The following HYAL4 variants were observed in gnomAD, a reference collection of about 807,000 sequenced individuals.
The protein encoded by HYAL4 is hyaluronidase-4.
HYAL4 carries 37 observed loss-of-function variants against 35.2 expected under a neutral mutation model. The ratio of observed to expected loss-of-function variants is 1.05; its 90% confidence interval spans 0.81 to 1.38. The LOEUF (loss-of-function observed/expected upper bound fraction) is 1.38. Ranked by LOEUF, HYAL4 falls within the 40% of genes most tolerant of loss-of-function variation. HYAL4 has a pLI of 0.00. For missense variants in HYAL4, 572 were observed against 572.4 expected (o/e 1.00, Z 0.01); for synonymous variants, 198 against 203.2 (o/e 0.97, Z 0.22).
At chr7:123,785,212 A>T in the HYAL4 span, among the ~76,000 whole-genome samples, 1 of 151,974 alleles carries the variant, frequency 6.6e-6, no homozygotes, top group African/African-American at 2.4e-5. The surrounding 1 kb of genome is among the most constrained non-coding windows in gnomAD (Gnocchi z 4.5). Context: ...CAGCCTCCCA[A>T]GTAGCTGGGA....
chr7:123,837,630 C>T (rs1223406150), intron 1 of HYAL4, among the ~76,000 whole-genome samples: 2 of 151,616 alleles, frequency 1.3e-5, no homozygotes, highest in Non-Finnish European at 2.9e-5. Flanking sequence ...CACCCATTAA[C>T]TCGTCATTTA....
chr7:123,877,037 G>A lies in HYAL4; in HGVS notation c.1328G>A (p.Gly443Glu), dbSNP rs1288528917. ...TGTCATTGTTATCAGGGATATGAAG[G>A]AGCTGATTGCAGAGAAATAAAGACG... ...FSCHCYQGYE[G>E]ADCREIKTAD... The change falls in exon 5 of 5, where the codon GGA becomes GAA. Residue 443 changes from glycine to glutamate, a missense_variant. Coordinates refer to ENST00000223026, the MANE Select transcript of HYAL4 (RefSeq NM_012269.3). 1 of 1,614,174 alleles carries A rather than the reference G, an allele frequency of 6.2e-7. No homozygotes were observed. Among genetic ancestry groups the A allele is most frequent in the Non-Finnish European group, 8.5e-7 (1 of 1,180,016 alleles).
intron 1 of HYAL4, among the ~76,000 whole-genome samples, chr7:123,838,205 G>C (rs1261961877): frequency 6.9e-6 from 1 of 144,550 alleles, no homozygotes; most frequent in Non-Finnish European, 1.5e-5. Flanking sequence ...TGTAGTCTCT[G>C]TTGTTTACCT....
At chr7:123,798,176 C>T in the HYAL4 span, among the ~76,000 whole-genome samples, 6 of 152,184 alleles carry the variant, frequency 3.9e-5, no homozygotes, top group East Asian at 3.8e-4. Flanking sequence ...CACCTGTCAG[C>T]GGTAGTTACA....
chr7:123,774,721 A>G, the HYAL4 span, among the ~76,000 whole-genome samples: 1 of 152,076 alleles, frequency 6.6e-6, no homozygotes, highest in Non-Finnish European at 1.5e-5. Context: ...GCTCACATAG[A>G]TCTCACCTGC....
At chr7:123,804,317 C>A in the HYAL4 span, among the ~76,000 whole-genome samples, 2,311 of 152,206 alleles carry the variant, frequency 0.015, 70 homozygotes, top group African/African-American at 0.053. Context: ...TGCTCTGAGA[C>A]CCCTCATATG....
At chr7:123,804,010 A>G in the HYAL4 span, among the ~76,000 whole-genome samples, 1 of 152,216 alleles carries the variant, frequency 6.6e-6, no homozygotes, top group Non-Finnish European at 1.5e-5. Context: ...TTTACTCCAC[A>G]TAATATGTAG....
At chr7:123,797,609 C>T in the HYAL4 span, among the ~76,000 whole-genome samples, 1 of 152,176 alleles carries the variant, frequency 6.6e-6, no homozygotes, top group Non-Finnish European at 1.5e-5. Context: ...CCCTGTTGGC[C>T]TCTGCTGATA....
chr7:123,812,095 C>T, the HYAL4 span, among the ~76,000 whole-genome samples: 2 of 152,160 alleles, frequency 1.3e-5, no homozygotes, highest in Non-Finnish European at 2.9e-5. Flanking sequence ...CTGCCTCGGC[C>T]TCCCAAAGTG....
chr7:123,818,486 G>A, the HYAL4 span, among the ~76,000 whole-genome samples: 1 of 152,256 alleles, frequency 6.6e-6, no homozygotes, highest in Admixed American at 6.5e-5. Context: ...ACTCTTCCAT[G>A]AAGTATTAAG....
intron 1 of HYAL4, among the ~76,000 whole-genome samples, chr7:123,836,553 A>T (rs1295444666): frequency 6.6e-6 from 1 of 152,144 alleles, no homozygotes; most frequent in Non-Finnish European, 1.5e-5. Flanking sequence ...ATATCTTTTA[A>T]GTGGAGCATT....
At chr7:123,875,946 G>A (rs930815139) in intron 4 of HYAL4, 44 of 448,136 alleles carry the variant, frequency 9.8e-5, no homozygotes, top group South Asian at 4.8e-4. Flanking sequence ...TACTGAGATA[G>A]TGTTCATGAA....
At chr7:123,788,132 A>G in the HYAL4 span, among the ~76,000 whole-genome samples, 9 of 152,212 alleles carry the variant, frequency 5.9e-5, no homozygotes, top group Non-Finnish European at 1.2e-4. Flanking sequence ...AGCCTGGGCA[A>G]CACAGTGAGA....
At chr7:123,787,128 G>GAAAAAGAA in the HYAL4 span, among the ~76,000 whole-genome samples, 1 of 128,912 alleles carries the variant, frequency 7.8e-6, no homozygotes, top group Non-Finnish European at 1.6e-5. Context: ...AAAAAAAAAA[G>GAAAAAGAA]AAAAAGAAAA....
chr7:123,859,978 A>G (rs1267427918), intron 2 of HYAL4, among the ~76,000 whole-genome samples: 2 of 152,108 alleles, frequency 1.3e-5, no homozygotes, highest in African/African-American at 2.4e-5. Context: ...TCTCATCTCA[A>G]ATTATCATCC....
In HYAL4 at chr7:123,869,183, A is replaced by C. The variant is rs752283462; in HGVS notation, c.910A>C (p.Thr304Pro). Residue 304 changes from threonine to proline, a missense_variant, in exon 3 of 5, where the codon ACA (threonine) becomes CCA (proline). Thr to Pro is a conservative substitution (Grantham distance 38, BLOSUM62 -1). Coordinates refer to ENST00000223026, the MANE Select transcript of HYAL4 (RefSeq NM_012269.3). ...HDYALPVFVY[T>P]RLGYRDEPLF... is the part of the protein sequence containing the mutation. Reference sequence around the variant, plus strand: ...TTATGCTCTGCCTGTATTTGTCTACACAAGGCTAGGGTACAGAGATGAACC... The same window carrying C: ...TTATGCTCTGCCTGTATTTGTCTACCCAAGGCTAGGGTACAGAGATGAACC... 7 of 1,613,990 alleles carry C rather than the reference A, an allele frequency of 4.3e-6. No individual in the cohort carries two copies. The highest frequency in any genetic ancestry group is 8.5e-7 in the Non-Finnish European group (1 of 1,179,982).
intron 2 of HYAL4, among the ~76,000 whole-genome samples, chr7:123,863,472 A>G (rs1749652114): frequency 6.6e-6 from 1 of 152,168 alleles, no homozygotes; most frequent in Non-Finnish European, 1.5e-5. Flanking sequence ...AGAGGGTATT[A>G]GGAGGAAACT....
At chr7:123,844,757 C>A (rs116094745), upstream of HYAL4, among the ~76,000 whole-genome samples, 1 of 152,156 alleles carries the variant, frequency 6.6e-6, no homozygotes, top group African/African-American at 2.4e-5. Flanking sequence ...CCTCCCTCAG[C>A]CAGGCTGCTG....
the HYAL4 span, among the ~76,000 whole-genome samples, chr7:123,803,271 A>T: frequency 5.9e-5 from 9 of 152,324 alleles, no homozygotes; most frequent in South Asian, 6.2e-4. Flanking sequence ...TAAATTTTTT[A>T]AAAATTTTAA....
Sources: gnomAD v4.1 joint callset for allele counts (sites outside exome capture counted in the v4.1 genomes callset) on GRCh38, gnomAD v4.1.1 for gene constraint, Gnocchi (gnomAD v3.1) non-coding constraint, MANE v1.5 for transcripts, NCBI Gene and HGNC (gene_info 2026-07-23, HGNC 2026-07-21) for gene names.